Variants in AUH observed in about 807,000 individuals in gnomAD.
AUH encodes AU RNA binding methylglutaconyl-CoA hydratase, also known as methylglutaconyl-CoA hydratase, mitochondrial.
In AUH, 29 loss-of-function variants were observed where a neutral mutation model predicts 42.3. That is an observed-to-expected ratio of 0.69 (90% confidence interval 0.51 to 0.93). The LOEUF is 0.93. AUH is among the 40% of genes least tolerant of loss of function. AUH has a pLI of 0.00. For missense variants in AUH, 452 were observed against 438.1 expected, an observed-to-expected ratio of 1.03 and a Z score of -0.28; for synonymous variants, 174 against 166.4, an observed-to-expected ratio of 1.05 and a Z score of -0.35.
intron 3 of AUH, among the ~76,000 whole-genome samples, chr9:91,334,043 G>A (rs1830521310): frequency 1.3e-5 from 2 of 152,152 alleles, no homozygotes; most frequent in Middle Eastern, 3.2e-3. Context: ...GACCCTTTAT[G>A]TATTAGACAG....
intron 6 of AUH, among the ~76,000 whole-genome samples, chr9:91,285,984 A>T (rs1042908620): frequency 2.6e-5 from 4 of 151,876 alleles, no homozygotes; most frequent in African/African-American, 4.8e-5. Context: ...CCTCTTTTTT[A>T]AAAAAAATCG....
rs763502244 is a variant in AUH at position 91,356,094 on chromosome 9, TA to T, written c.323del (p.Ile108LysfsTer11). 6.2e-7 allele frequency: 1 copy of T among 1,613,106 alleles called. No individual in the cohort carries two copies. The highest frequency in any genetic ancestry group is 1.1e-5 in the South Asian group (1 of 91,040). On this transcript the variant is annotated frameshift_variant, in exon 2 of 10. Transcript: ENST00000375731. LOFTEE classifies it high-confidence loss of function. ...GTTTAATCTTTACACTCACCATTTT[TA>T]TAAGATTTTTACTGAGTGAATTTTT... ...YGKNSLSKNL[I>X]KMLSKAVDAL...
chr9:91,278,826 C>T (rs1336986423), intron 6 of AUH, among the ~76,000 whole-genome samples: 1 of 152,162 alleles, frequency 6.6e-6, no homozygotes, highest in Non-Finnish European at 1.5e-5. Context: ...AAACAAGCGA[C>T]ATGAGCCCTT....
chr9:91,296,341 T>G (rs1439521789), intron 5 of AUH, among the ~76,000 whole-genome samples: 1 of 152,128 alleles, frequency 6.6e-6, no homozygotes, highest in Non-Finnish European at 1.5e-5. Context: ...GGACTGTAAC[T>G]CCATTATTAG....
intron 4 of AUH, among the ~76,000 whole-genome samples, chr9:91,309,375 CA>C (rs1267657807): frequency 6.6e-6 from 1 of 152,114 alleles, no homozygotes; most frequent in Non-Finnish European, 1.5e-5. Context: ...GGCCTGTCAA[CA>C]GCATTTAATC....
At chr9:91,255,352 C>A (rs918181572) in intron 6 of AUH, among the ~76,000 whole-genome samples, 1 of 152,170 alleles carries the variant, frequency 6.6e-6, no homozygotes, top group African/African-American at 2.4e-5. Context: ...CATGTTATAT[C>A]GTCCCGAAGG....
chr9:91,319,705 A>T (rs1359785720), intron 4 of AUH, among the ~76,000 whole-genome samples: 1 of 152,200 alleles, frequency 6.6e-6, no homozygotes, highest in Non-Finnish European at 1.5e-5. Flanking sequence ...CAACTTAGTA[A>T]ACACACTGCA....
At chr9:91,226,200 T>C (rs1319860241) in intron 6 of AUH, among the ~76,000 whole-genome samples, 1 of 151,528 alleles carries the variant, frequency 6.6e-6, no homozygotes, top group Non-Finnish European at 1.5e-5. Flanking sequence ...CTCCACATCC[T>C]CTCCAGCACC....
intron 1 of AUH, among the ~76,000 whole-genome samples, chr9:91,359,758 G>A (rs1446908002): frequency 6.6e-6 from 1 of 152,064 alleles, no homozygotes; most frequent in Middle Eastern, 3.2e-3. Flanking sequence ...ATTCCTTAGA[G>A]GCTGCTGAGA....
intron 4 of AUH, among the ~76,000 whole-genome samples, chr9:91,308,336 G>A (rs1355421523): frequency 2.6e-5 from 4 of 152,146 alleles, no homozygotes; most frequent in Non-Finnish European, 5.9e-5. Context: ...ACTTCAGCCT[G>A]GGCAAGAGAG....
intron 6 of AUH, among the ~76,000 whole-genome samples, chr9:91,277,846 T>A (rs190641934): frequency 1.2e-4 from 19 of 152,360 alleles, no homozygotes; most frequent in South Asian, 1.0e-3. Flanking sequence ...TTCCTTTTTT[T>A]AAAAAAGGTA....
intron 6 of AUH, among the ~76,000 whole-genome samples, chr9:91,275,308 T>C (rs1825454043): frequency 6.6e-6 from 1 of 152,110 alleles, no homozygotes; most frequent in Middle Eastern, 3.2e-3. Context: ...AGGTTAGTGG[T>C]TTTGTAACAG....
intron 6 of AUH, among the ~76,000 whole-genome samples, chr9:91,245,029 C>A (rs1446464486): frequency 6.6e-6 from 1 of 152,164 alleles, no homozygotes; most frequent in Non-Finnish European, 1.5e-5. Context: ...TTCCTAGACA[C>A]CCTCTTTGAA....
chr9:91,345,650 G>A (rs1295680166), intron 3 of AUH, among the ~76,000 whole-genome samples: 1 of 151,804 alleles, frequency 6.6e-6, no homozygotes. Flanking sequence ...TGGCTAATAC[G>A]GTGAAACCCC....
intron 6 of AUH, among the ~76,000 whole-genome samples, chr9:91,293,123 ATC>A (rs1430058594): frequency 6.6e-6 from 1 of 152,140 alleles, no homozygotes; most frequent in Admixed American, 6.5e-5. Flanking sequence ...CTGTTCCCCC[ATC>A]TCTCTCCCTT....
At chr9:91,229,784 G>A (rs1310635095) in intron 6 of AUH, among the ~76,000 whole-genome samples, 3 of 149,650 alleles carry the variant, frequency 2.0e-5, no homozygotes, top group Non-Finnish European at 3.0e-5. Context: ...TTGCTTGTCT[G>A]TAAAGTATTT....
chr9:91,260,037 T>C (rs539449285), intron 6 of AUH, among the ~76,000 whole-genome samples: 2 of 152,290 alleles, frequency 1.3e-5, no homozygotes, highest in East Asian at 3.9e-4. Context: ...CTTTTATTTC[T>C]GGAAATTTTC....
intron 6 of AUH, among the ~76,000 whole-genome samples, chr9:91,272,209 C>T (rs1349592227): frequency 6.6e-6 from 1 of 152,120 alleles, no homozygotes; most frequent in Admixed American, 6.5e-5. Flanking sequence ...ATTTAATAGG[C>T]CATGTGCTTC....
At chr9:91,347,528 A>T (rs1486224642) in intron 3 of AUH, among the ~76,000 whole-genome samples, 1 of 151,926 alleles carries the variant, frequency 6.6e-6, no homozygotes, top group Non-Finnish European at 1.5e-5. Context: ...GCTTTTTCTG[A>T]CAAGCTGCCC....
Sources: allele counts gnomAD v4.1 joint callset (sites outside exome capture counted in the v4.1 genomes callset), GRCh38; gene constraint gnomAD v4.1.1; transcripts MANE v1.5; gene names NCBI Gene and HGNC (gene_info 2026-07-23, HGNC 2026-07-21).